The following CCDC102B variants were observed in gnomAD, a reference collection of about 807,000 sequenced individuals.
The protein encoded by CCDC102B is coiled-coil domain-containing protein 102B.
Under a neutral mutation model 57.4 loss-of-function variants are expected in CCDC102B, and 75 were observed. The ratio of observed to expected loss-of-function variants is 1.31; its 90% CI spans 1.08 to 1.58. The LOEUF is 1.58. Ranked by LOEUF, CCDC102B falls within the 40% of genes most tolerant of loss-of-function variation. The probability of loss-of-function intolerance (pLI) is 0.00; values close to 1 mark genes in which losing one functional copy is unlikely to be tolerated. For missense variants in CCDC102B, 636 were observed against 582.6 expected (o/e 1.09, Z -0.94); for synonymous variants, 206 against 201.9 (o/e 1.02, Z -0.17).
intron 6 of CCDC102B, among the ~76,000 whole-genome samples, chr18:68,902,794 C>G (rs2040499768): frequency 6.6e-6 from 1 of 152,158 alleles, no homozygotes; most frequent in South Asian, 2.1e-4. Context: ...TCCTGATCTA[C>G]CTGAATAGAT....
At chr18:68,817,388 C>T (rs2036525442) in intron 1 of CCDC102B, among the ~76,000 whole-genome samples, 1 of 152,200 alleles carries the variant, frequency 6.6e-6, no homozygotes, top group Non-Finnish European at 1.5e-5. Context: ...AGGAACTCAA[C>T]ATTTGAATTT....
intron 5 of CCDC102B, among the ~76,000 whole-genome samples, chr18:68,884,804 A>C (rs2039824133): frequency 6.6e-6 from 1 of 150,606 alleles, no homozygotes; most frequent in Non-Finnish European, 1.5e-5. Flanking sequence ...CAAGATGAGA[A>C]ATACATGGTA....
chr18:68,715,307 A>C, exon 1 of CCDC102B: 1 of 1,175,370 alleles, frequency 8.5e-7, no homozygotes, highest in Non-Finnish European at 1.1e-6. Context: ...GTGCTGGTTC[A>C]CTGGGGCGCG....
chr18:68,765,877 C>T (rs535732477), intron 2 of CCDC102B, among the ~76,000 whole-genome samples: 135 of 152,012 alleles, frequency 8.9e-4, no homozygotes, highest in African/African-American at 3.1e-3. Context: ...CCAGCTGATG[C>T]ACATGTGTGA....
chr18:68,741,942 C>G (rs903279398), intron 2 of CCDC102B, among the ~76,000 whole-genome samples: 4 of 152,100 alleles, frequency 2.6e-5, no homozygotes, highest in Non-Finnish European at 5.9e-5. Flanking sequence ...TCAACTTTCC[C>G]AGGTACAGAG....
intron 2 of CCDC102B, among the ~76,000 whole-genome samples, chr18:68,719,144 G>T (rs959621525): frequency 1.3e-5 from 2 of 151,992 alleles, no homozygotes; most frequent in African/African-American, 4.8e-5. Flanking sequence ...GCAAATAAAG[G>T]AATTGAATCA....
chr18:68,962,171 G>A (rs948934814), intron 6 of CCDC102B, among the ~76,000 whole-genome samples: 5 of 152,042 alleles, frequency 3.3e-5, no homozygotes, highest in African/African-American at 9.7e-5. Flanking sequence ...TTAAGTTACA[G>A]CAATATGTTT....
intron 2 of CCDC102B, among the ~76,000 whole-genome samples, chr18:68,764,701 G>A (rs1426869488): frequency 6.6e-6 from 1 of 151,874 alleles, no homozygotes; most frequent in African/African-American, 2.4e-5. Context: ...ATTATTGTTG[G>A]GTTAGCTAAT....
chr18:68,856,828 G>T (rs558252607), intron 4 of CCDC102B, among the ~76,000 whole-genome samples: 1 of 150,802 alleles, frequency 6.6e-6, no homozygotes, highest in African/African-American at 2.4e-5. Context: ...ATGATTGATT[G>T]AAATATTATG....
chr18:68,901,247 G>C (rs1264772806), intron 6 of CCDC102B, among the ~76,000 whole-genome samples: 2 of 152,118 alleles, frequency 1.3e-5, no homozygotes, highest in African/African-American at 4.8e-5. Flanking sequence ...CTAGACTAGG[G>C]ATGGACAAAC....
chr18:68,839,640 A>G (rs927875813), intron 3 of CCDC102B, among the ~76,000 whole-genome samples: 2 of 152,170 alleles, frequency 1.3e-5, no homozygotes, highest in South Asian at 4.2e-4. Flanking sequence ...CTGGCAATGC[A>G]TGGAAGGCTG....
intron 6 of CCDC102B, among the ~76,000 whole-genome samples, chr18:68,958,816 A>G (rs28810396): frequency 0.043 from 6,548 of 151,952 alleles, 218 homozygotes; most frequent in East Asian, 0.19. Context: ...TGTCAATTGC[A>G]TTTTTCAGTT....
chr18:68,949,719 C>T (rs1045743751), intron 6 of CCDC102B, among the ~76,000 whole-genome samples: 1 of 152,042 alleles, frequency 6.6e-6, no homozygotes, highest in African/African-American at 2.4e-5. Context: ...CTCTTTCTAT[C>T]CTACATGTTT....
chr18:68,940,478 A>C (rs191139425), intron 6 of CCDC102B, among the ~76,000 whole-genome samples: 12 of 151,994 alleles, frequency 7.9e-5, no homozygotes, highest in Admixed American at 2.6e-4. Context: ...ATCTCATGAA[A>C]GCCACATTAT....
intron 6 of CCDC102B, among the ~76,000 whole-genome samples, chr18:68,960,189 G>T (rs1311418793): frequency 6.6e-6 from 1 of 152,134 alleles, no homozygotes; most frequent in African/African-American, 2.4e-5. Context: ...GGGCTCAATG[G>T]TTCTTTAGTC....
At chr18:68,887,523 G>T (rs2039933147) in intron 5 of CCDC102B, among the ~76,000 whole-genome samples, 1 of 152,120 alleles carries the variant, frequency 6.6e-6, no homozygotes, top group Non-Finnish European at 1.5e-5. Context: ...CGATCCATAG[G>T]CATTGACATT....
intron 2 of CCDC102B, chr18:68,721,121 A>ACT (rs1049617913): frequency 6.6e-6 from 1 of 152,100 alleles, no homozygotes; most frequent in African/African-American, 2.4e-5. Flanking sequence ...CCAAGTTCCT[A>ACT]CTCTCTCAGA....
intron 4 of CCDC102B, among the ~76,000 whole-genome samples, chr18:68,870,809 C>T (rs1430535410): frequency 6.6e-6 from 1 of 152,116 alleles, no homozygotes; most frequent in Non-Finnish European, 1.5e-5. Flanking sequence ...ACTTTGGAGT[C>T]TGCATTAACT....
At chr18:68,903,701 T>C (rs1288341110) in intron 6 of CCDC102B, among the ~76,000 whole-genome samples, 1 of 152,192 alleles carries the variant, frequency 6.6e-6, no homozygotes, top group African/African-American at 2.4e-5. Flanking sequence ...CATATTCTTT[T>C]GAGAAAAGTC....
Sources: gnomAD v4.1 joint callset for allele counts (sites outside exome capture counted in the v4.1 genomes callset) on GRCh38, gnomAD v4.1.1 for gene constraint, MANE v1.5 for transcripts, NCBI Gene and HGNC (gene_info 2026-07-23, HGNC 2026-07-21) for gene names.